Variants in RANBP2 observed in about 807,000 individuals in gnomAD.
The protein encoded by RANBP2 is E3 SUMO-protein ligase RanBP2.
RANBP2 carries 57 observed loss-of-function variants against 303.6 expected under a neutral mutation model. That is an observed-to-expected ratio of 0.19 (90% CI 0.15 to 0.23). The LOEUF (loss-of-function observed/expected upper bound fraction) is 0.23, where lower values mean the gene tolerates loss of function less well. Ranked by LOEUF, RANBP2 falls within the 10% of genes least tolerant of loss-of-function variation. RANBP2 has a pLI of 1.00. For synonymous variants in RANBP2, 1,167 were observed against 1,301.5 expected, an observed-to-expected ratio of 0.90 and a Z score of 2.23; for missense variants, 3,138 against 3,780.8, an observed-to-expected ratio of 0.83 and a Z score of 4.46.
At chr2:109,606,826 C>G in the RANBP2 span, among the ~76,000 whole-genome samples, 1 of 151,792 alleles carries the variant, frequency 6.6e-6, no homozygotes, top group Non-Finnish European at 1.5e-5. Flanking sequence ...ACTACAGGCA[C>G]GCACCACTAG....
At chr2:108,921,143 C>T in the RANBP2 span, among the ~76,000 whole-genome samples, 1 of 152,058 alleles carries the variant, frequency 6.6e-6, no homozygotes, top group Non-Finnish European at 1.5e-5. Flanking sequence ...GAGAAGCTGC[C>T]GTCTCTTTAA....
chr2:108,910,311 C>A, the RANBP2 span: 1 of 673,078 alleles, frequency 1.5e-6, no homozygotes, highest in Non-Finnish European at 2.6e-6. Flanking sequence ...TGCCAGTCAG[C>A]AAAGAGGTGG....
At chr2:109,199,852 A>AG in the RANBP2 span, among the ~76,000 whole-genome samples, 5 of 150,328 alleles carry the variant, frequency 3.3e-5, no homozygotes, top group African/African-American at 4.8e-5. Context: ...TGGAATGGAA[A>AG]TAACAAAATT....
At chr2:109,091,866 G>A in the RANBP2 span, among the ~76,000 whole-genome samples, 8 of 152,276 alleles carry the variant, frequency 5.3e-5, no homozygotes, top group Non-Finnish European at 8.8e-5. Context: ...TGGGGTGTCT[G>A]TAGCCCCATT....
the RANBP2 span, among the ~76,000 whole-genome samples, chr2:109,687,203 G>A: frequency 1.3e-5 from 2 of 152,104 alleles, no homozygotes; most frequent in Non-Finnish European, 2.9e-5. Context: ...CCACTTGTAG[G>A]GCTCAATGCA....
the RANBP2 span, among the ~76,000 whole-genome samples, chr2:109,393,559 T>A: frequency 6.6e-6 from 1 of 152,244 alleles, no homozygotes; most frequent in East Asian, 1.9e-4. Flanking sequence ...TTCCGAATGG[T>A]GCATCCATGA....
the RANBP2 span, among the ~76,000 whole-genome samples, chr2:108,847,272 A>C: frequency 6.6e-6 from 1 of 152,202 alleles, no homozygotes; most frequent in Non-Finnish European, 1.5e-5. Context: ...CATGGGCAAA[A>C]TCTGGCCTAC....
chr2:109,449,787 A>G, the RANBP2 span, among the ~76,000 whole-genome samples: 4 of 152,242 alleles, frequency 2.6e-5, no homozygotes, highest in African/African-American at 9.6e-5. Flanking sequence ...CTGTTGTAAA[A>G]TCATTGTAAT....
At chr2:108,961,729 G>C in the RANBP2 span, among the ~76,000 whole-genome samples, 1 of 152,148 alleles carries the variant, frequency 6.6e-6, no homozygotes, top group African/African-American at 2.4e-5. Flanking sequence ...GGAAAAGCCT[G>C]GGGAGGCTTC....
chr2:109,482,565 G>A, the RANBP2 span, among the ~76,000 whole-genome samples: 5 of 152,142 alleles, frequency 3.3e-5, no homozygotes, highest in East Asian at 3.9e-4. Context: ...ACCCACTCCC[G>A]CGCCCAGCCC....
At chr2:109,332,782 T>C in the RANBP2 span, among the ~76,000 whole-genome samples, 1 of 152,140 alleles carries the variant, frequency 6.6e-6, no homozygotes, top group Non-Finnish European at 1.5e-5. Flanking sequence ...GGTGCTAGTG[T>C]GGGTGGTGAG....
At chr2:108,847,647 G>A in the RANBP2 span, among the ~76,000 whole-genome samples, 52 of 152,302 alleles carry the variant, frequency 3.4e-4, no homozygotes, top group African/African-American at 1.2e-3. Context: ...TTTTGTTAAA[G>A]TGAGTTATGC....
the RANBP2 span, among the ~76,000 whole-genome samples, chr2:109,641,056 T>C: frequency 6.6e-6 from 1 of 152,204 alleles, no homozygotes; most frequent in East Asian, 1.9e-4. Flanking sequence ...CCTCCAAATA[T>C]AGACTGGGCT....
the RANBP2 span, among the ~76,000 whole-genome samples, chr2:108,950,576 C>G: frequency 1.3e-5 from 2 of 152,222 alleles, no homozygotes; most frequent in African/African-American, 2.4e-5. Flanking sequence ...GAAAGCTGGA[C>G]AGTGTGTGAC....
chr2:109,490,652 C>T, the RANBP2 span: 3 of 1,506,120 alleles, frequency 2.0e-6, no homozygotes, highest in African/African-American at 2.8e-5. Flanking sequence ...GAGCATCCAC[C>T]AAGAAGAAGT....
the RANBP2 span, chr2:108,908,001 G>T: frequency 3.6e-3 from 5,790 of 1,609,768 alleles, 184 homozygotes; most frequent in African/African-American, 0.068. Flanking sequence ...GCTCATTCTC[G>T]GATGAGGCAT....
the RANBP2 span, among the ~76,000 whole-genome samples, chr2:109,523,581 T>G: frequency 6.6e-6 from 1 of 152,164 alleles, no homozygotes; most frequent in Non-Finnish European, 1.5e-5. Context: ...CTTTCAACCA[T>G]AACTCATTAG....
chr2:108,921,485 A>C, the RANBP2 span, among the ~76,000 whole-genome samples: 2 of 152,302 alleles, frequency 1.3e-5, no homozygotes, highest in East Asian at 3.9e-4. Context: ...TCTTGACCAC[A>C]ACTGTGGGTT....
At chr2:109,087,137 C>G in the RANBP2 span, among the ~76,000 whole-genome samples, 1 of 152,126 alleles carries the variant, frequency 6.6e-6, no homozygotes, top group African/African-American at 2.4e-5. Flanking sequence ...CCCTCTGTTC[C>G]CTTTGGGGTC....
Sources: allele counts gnomAD v4.1 joint callset (sites outside exome capture counted in the v4.1 genomes callset), GRCh38; gene constraint gnomAD v4.1.1; transcripts MANE v1.5; gene names NCBI Gene and HGNC (gene_info 2026-07-23, HGNC 2026-07-21).